Variants in DOK6 observed in about 807,000 individuals in gnomAD.
The protein encoded by DOK6 is docking protein 6.
DOK6 carries 22 observed loss-of-function variants against 44.0 expected under a neutral mutation model. The ratio of observed to expected loss-of-function variants is 0.50; its 90% confidence interval spans 0.36 to 0.71. The LOEUF (loss-of-function observed/expected upper bound fraction) is 0.71. DOK6 is among the 30% of genes least tolerant of loss of function. DOK6 has a pLI of 0.00. For missense variants in DOK6, 340 were observed against 416.4 expected, an observed-to-expected ratio of 0.82 and a Z score of 1.60; for synonymous variants, 166 against 145.5, an observed-to-expected ratio of 1.14 and a Z score of -1.01.
At chr18:69,822,873 A>C (rs1238956235) in intron 7 of DOK6, among the ~76,000 whole-genome samples, 1 of 152,226 alleles carries the variant, frequency 6.6e-6, no homozygotes, top group Non-Finnish European at 1.5e-5. Context: ...TTTTTTAAAA[A>C]AGAAATAGTA....
intron 1 of DOK6, among the ~76,000 whole-genome samples, chr18:69,429,538 A>G (rs116413314): frequency 0.034 from 5,068 of 147,626 alleles, 288 homozygotes; most frequent in African/African-American, 0.12. Flanking sequence ...GAAAACCACA[A>G]TGTATTCAAT....
chr18:69,790,187 C>T (rs561622266), intron 7 of DOK6, among the ~76,000 whole-genome samples: 84 of 142,366 alleles, frequency 5.9e-4, no homozygotes, highest in Middle Eastern at 3.8e-3. Context: ...TGTTTCACCA[C>T]GTTTCACTCA....
At position 69,702,919 on chromosome 18, in the gene DOK6, C is replaced by T. The variant is rs182183406; in HGVS notation, c.599+4326C>T. On this transcript the variant is annotated intron_variant, in intron 5 of 7. Transcript: ENST00000382713. ...AGACCAATTAGTAAAAAGCAATTCA[C>T]GTTAAAGTATGTGTGGGTTCAATAA... is the stretch of plus-strand genomic sequence containing the variant. 8.5e-5 allele frequency among the ~76,000 whole-genome samples: 13 copies of T among 152,254 alleles called. No individual in the cohort carries two copies. The East Asian group carries it at 1.2e-3, about 14-fold the overall frequency.
chr18:69,677,768 C>A lies in DOK6; in HGVS notation c.324C>A (p.Cys108Ter). ...LEAEEWCKHLCMECLGTRLND... is the reference protein window; with the variant it reads ...LEAEEWCKHL ...CCGAGGAGTGGTGCAAGCACCTCTG[C>A]ATGGAGTGTCTGGGGACCAGGCTCA... is the stretch of plus-strand genomic sequence containing the variant. Residue 108 changes from cysteine (C) to a stop codon, truncating the protein, a stop_gained, in exon 4 of 8, where the codon TGC becomes TGA. Transcript: ENST00000382713. LOFTEE classifies it high-confidence loss of function. 1.9e-6 allele frequency: 3 copies of A among 1,613,776 alleles called. No individual in the cohort carries two copies. The highest frequency in any genetic ancestry group is 2.5e-6 in the Non-Finnish European group (3 of 1,179,774).
At chr18:69,786,274 A>G (rs988822618) in intron 7 of DOK6, among the ~76,000 whole-genome samples, 6 of 152,186 alleles carry the variant, frequency 3.9e-5, no homozygotes, top group African/African-American at 1.4e-4. Context: ...AAAAAATCCT[A>G]TATTTGATTT....
chr18:69,793,653 A>G (rs768502548), intron 7 of DOK6, among the ~76,000 whole-genome samples: 1 of 152,176 alleles, frequency 6.6e-6, no homozygotes, highest in Non-Finnish European at 1.5e-5. Context: ...TTTAGGAAAC[A>G]TTGAATTAAA....
At chr18:69,540,633 G>T (rs991677909) in intron 1 of DOK6, among the ~76,000 whole-genome samples, 6 of 152,026 alleles carry the variant, frequency 3.9e-5, no homozygotes, top group Non-Finnish European at 1.5e-5. Flanking sequence ...CATTTATGTG[G>T]CCATTGTAAA....
chr18:69,643,009 T>C (rs1432049278), intron 3 of DOK6, among the ~76,000 whole-genome samples: 4 of 152,220 alleles, frequency 2.6e-5, no homozygotes, highest in Non-Finnish European at 5.9e-5. Context: ...AAAAAGTACA[T>C]ACATGTTGAG....
In DOK6 at chr18:69,610,616, G is replaced by A. The variant is rs188405965; in HGVS notation, c.289+11118G>A. On this transcript the variant is annotated intron_variant, in intron 3 of 7. Coordinates refer to ENST00000382713, the MANE Select transcript of DOK6 (RefSeq NM_152721.6). ...GAAGTATATACAATGAACACAGTCCGCCCTCCATATCTGCGGACACTGCAT... is the reference window on the plus strand; with the variant it reads ...GAAGTATATACAATGAACACAGTCCACCCTCCATATCTGCGGACACTGCAT... Among the ~76,000 whole-genome samples, 236 of 151,814 alleles carry A rather than the reference G, an allele frequency of 1.6e-3. 2 individuals carry two copies. The highest frequency in any genetic ancestry group is 5.4e-3 in the African/African-American group (225 of 41,468).
chr18:69,427,648 A>G (rs1057220550), intron 1 of DOK6, among the ~76,000 whole-genome samples: 2 of 152,222 alleles, frequency 1.3e-5, no homozygotes, highest in African/African-American at 4.8e-5. Flanking sequence ...TTAAAGACAC[A>G]TGCACACATA....
At chr18:69,446,213 C>A (rs1446164146) in intron 1 of DOK6, among the ~76,000 whole-genome samples, 1 of 120,216 alleles carries the variant, frequency 8.3e-6, no homozygotes, top group African/African-American at 3.2e-5. Flanking sequence ...CCCCTCCCCC[C>A]ACCCCACGAC....
At chr18:69,682,795 G>A (rs1281490820) in intron 4 of DOK6, among the ~76,000 whole-genome samples, 1 of 152,128 alleles carries the variant, frequency 6.6e-6, no homozygotes, top group African/African-American at 2.4e-5. Flanking sequence ...AAAACAAAAG[G>A]AAAGTACTGT....
At position 69,665,965 on chromosome 18, in the gene DOK6, G is replaced by A. The variant is rs73465943; in HGVS notation, c.290-11769G>A. ...GCATATTGGGCTTCACCTTTGAGCA[G>A]ACCTTGACTCTGAGATGCTTTCAAC... is the stretch of plus-strand genomic sequence containing the variant. On this transcript the variant is annotated intron_variant, in intron 3 of 7. Transcript: ENST00000382713. 5.4e-3 allele frequency among the ~76,000 whole-genome samples: 818 copies of A among 152,260 alleles called. 8 individuals carry two copies. Among genetic ancestry groups the A allele is most frequent in the African/African-American group, 0.018 (755 of 41,556 alleles).
At chr18:69,760,169 A>G (rs1409412508) in intron 7 of DOK6, among the ~76,000 whole-genome samples, 1 of 152,196 alleles carries the variant, frequency 6.6e-6, no homozygotes, top group Non-Finnish European at 1.5e-5. Flanking sequence ...GTGATAGTCA[A>G]AACAAGTAGA....
At chr18:69,423,370 T>G (rs1370369588) in intron 1 of DOK6, among the ~76,000 whole-genome samples, 1 of 152,176 alleles carries the variant, frequency 6.6e-6, no homozygotes, top group African/African-American at 2.4e-5. Context: ...TTTTGCTATC[T>G]TGCCATTTTC....
intron 1 of DOK6, among the ~76,000 whole-genome samples, chr18:69,434,991 G>GGAAGGAAA (rs1978921109): frequency 1.6e-5 from 2 of 123,436 alleles, no homozygotes; most frequent in Non-Finnish European, 3.6e-5. Context: ...AAAGAAGGAA[G>GGAAGGAAA]GAAGGAAGGA....
At chr18:69,449,241 G>A (rs1345321920) in intron 1 of DOK6, among the ~76,000 whole-genome samples, 2 of 152,150 alleles carry the variant, frequency 1.3e-5, no homozygotes. Context: ...ATGAACAGTA[G>A]TTTCCATTAT....
chr18:69,562,875 A>G (rs1307961697), intron 1 of DOK6, among the ~76,000 whole-genome samples: 2 of 152,122 alleles, frequency 1.3e-5, no homozygotes, highest in African/African-American at 2.4e-5. Context: ...CCTACAGAAT[A>G]GGAGAAAATT....
chr18:69,828,494 A>G (rs1599348225), intron 7 of DOK6, among the ~76,000 whole-genome samples: 1 of 151,854 alleles, frequency 6.6e-6, no homozygotes, highest in South Asian at 2.1e-4. Flanking sequence ...GAGAAATTAA[A>G]TGCAAGCAAC....
Sources: gnomAD v4.1 joint callset for allele counts (sites outside exome capture counted in the v4.1 genomes callset) on GRCh38, gnomAD v4.1.1 for gene constraint, MANE v1.5 for transcripts, NCBI Gene and HGNC (gene_info 2026-07-23, HGNC 2026-07-21) for gene names.